The following ABCB4 variants were observed in gnomAD, a reference collection of about 807,000 sequenced individuals.
The protein encoded by ABCB4 is phosphatidylcholine translocator ABCB4.
ABCB4 carries 76 observed loss-of-function variants against 145.7 expected under a neutral mutation model. The ratio of observed to expected loss-of-function variants is 0.52; its 90% CI spans 0.43 to 0.63. The LOEUF (loss-of-function observed/expected upper bound fraction) is 0.63. ABCB4 is among the 30% of genes least tolerant of loss of function. The pLI is 0.00. For missense variants in ABCB4, 1,234 were observed against 1,553.1 expected, an observed-to-expected ratio of 0.79 and a Z score of 3.45; for synonymous variants, 517 against 566.8, an observed-to-expected ratio of 0.91 and a Z score of 1.25.
the ABCB4 span, among the ~76,000 whole-genome samples, chr7:87,393,953 A>G: frequency 6.6e-6 from 1 of 152,198 alleles, no homozygotes; most frequent in Non-Finnish European, 1.5e-5. Flanking sequence ...AAACTAAAGT[A>G]TTCATGAATG....
chr7:87,433,683 T>G lies in ABCB4; in HGVS notation c.1732-2118A>C, dbSNP rs1342895484. Among the ~76,000 whole-genome samples, 179 of 150,108 alleles carry G rather than the reference T, an allele frequency of 1.2e-3. 1 individual carries two copies. The highest frequency in any genetic ancestry group is 4.1e-3 in the African/African-American group (167 of 40,918). Reference sequence around the variant, plus strand: ...CACAAAAAATTGTTGTTGTTTTTTTTTTTTTTTTTTTCAGAGCTCCCAGAC... The same window carrying G: ...CACAAAAAATTGTTGTTGTTTTTTTGTTTTTTTTTTTCAGAGCTCCCAGAC... On this transcript the variant is annotated intron_variant, in intron 14 of 27. Coordinates refer to ENST00000649586, the MANE Select transcript of ABCB4 (RefSeq NM_000443.4).
intron 4 of ABCB4, among the ~76,000 whole-genome samples, chr7:87,455,247 T>G (rs899912303): frequency 6.6e-6 from 1 of 152,198 alleles, no homozygotes; most frequent in Non-Finnish European, 1.5e-5. Flanking sequence ...TTCTAGTATT[T>G]TTTGAAGCAG....
At chr7:87,452,860 T>C (rs535908439) in intron 6 of ABCB4, 84 bp downstream of exon 6, 20 of 1,468,366 alleles carry the variant, frequency 1.4e-5, no homozygotes, top group Non-Finnish European at 1.8e-5. Flanking sequence ...TCTAGTAACA[T>C]TTTTCATTTA....
intron 16 of ABCB4, among the ~76,000 whole-genome samples, chr7:87,426,289 C>T (rs1809798468): frequency 6.6e-6 from 1 of 152,162 alleles, no homozygotes; most frequent in Non-Finnish European, 1.5e-5. Flanking sequence ...TGTGGAGCTA[C>T]TGTTCTAGCC....
the ABCB4 span, chr7:87,375,651 A>G: frequency 6.2e-7 from 1 of 1,612,984 alleles, no homozygotes; most frequent in Non-Finnish European, 8.5e-7. Flanking sequence ...ATATATCCAC[A>G]AGAAGTGCCA....
the ABCB4 span, chr7:87,369,455 A>T: frequency 6.2e-7 from 1 of 1,612,652 alleles, no homozygotes; most frequent in Non-Finnish European, 8.5e-7. Flanking sequence ...TACATGAAGG[A>T]TGTTTGGTCA....
chr7:87,417,838 C>A (rs1266137186), intron 20 of ABCB4, among the ~76,000 whole-genome samples: 1 of 152,176 alleles, frequency 6.6e-6, no homozygotes, highest in East Asian at 1.9e-4. Context: ...GAAACTAACT[C>A]CAATGTACCT....
chr7:87,389,507 A>G, the ABCB4 span, among the ~76,000 whole-genome samples: 3,801 of 152,178 alleles, frequency 0.025, 156 homozygotes, highest in African/African-American at 0.087. Flanking sequence ...ATCATTCTCA[A>G]CAAACTAACA....
At chr7:87,409,698 T>G (rs1808471146) in intron 23 of ABCB4, among the ~76,000 whole-genome samples, 1 of 152,198 alleles carries the variant, frequency 6.6e-6, no homozygotes, top group Admixed American at 6.5e-5. Flanking sequence ...GGCTTATAAC[T>G]GAATCTGATC....
In ABCB4 at chr7:87,447,157, A is replaced by C; in HGVS notation, c.882T>G (p.Ala294=). Residue 294 remains alanine, a synonymous_variant, in exon 9 of 28, where the codon GCT becomes GCG. Transcript: ENST00000649586. ...TACCCATGGAAATGTTTGCTGAAAT[A>C]GCTTTTTTAATTCCAATCTCTTTGG... ...ENAKEIGIKK[A]ISANISMGIA... The C allele has an allele frequency of 1.2e-6, 2 of 1,614,070 alleles. No homozygotes were observed. The highest frequency in any genetic ancestry group is 1.3e-5 in the African/African-American group (1 of 75,066).
At chr7:87,475,545 G>C in intron 1 of ABCB4, 74 bp from the exon 2 acceptor site, 2 of 1,488,472 alleles carry the variant, frequency 1.3e-6, no homozygotes, top group South Asian at 1.2e-5. Context: ...CGGGGCCCGG[G>C]GGCACTGGGT....
At chr7:87,393,494 A>G in the ABCB4 span, among the ~76,000 whole-genome samples, 7 of 152,338 alleles carry the variant, frequency 4.6e-5, no homozygotes, top group Admixed American at 2.0e-4. Flanking sequence ...TTACCAATTC[A>G]GATGCAGTTC....
chr7:87,413,426 G>T (rs529236867), intron 22 of ABCB4, among the ~76,000 whole-genome samples, 191 bp downstream of exon 22: 1 of 152,172 alleles, frequency 6.6e-6, no homozygotes, highest in Non-Finnish European at 1.5e-5. Context: ...TGCATAAGAT[G>T]TAAAAAATAT....
At chr7:87,451,546 A>G in intron 7 of ABCB4, 77 bp downstream of exon 7, 1 of 1,524,872 alleles carries the variant, frequency 6.6e-7, no homozygotes, top group South Asian at 1.1e-5. Context: ...GAACAGGTAC[A>G]AGTACGAGAC....
At chr7:87,391,969 T>TTCTAA in the ABCB4 span, among the ~76,000 whole-genome samples, 2 of 152,230 alleles carry the variant, frequency 1.3e-5, no homozygotes, top group African/African-American at 4.8e-5. Flanking sequence ...ATTTCAGGAC[T>TTCTAA]TCTAATCTAC....
chr7:87,372,017 A>C, the ABCB4 span, among the ~76,000 whole-genome samples: 8 of 151,360 alleles, frequency 5.3e-5, no homozygotes, highest in African/African-American at 9.7e-5. Flanking sequence ...CAAAAAAAAA[A>C]AAACAAAAAA....
At chr7:87,429,903 CT>C (rs747654191) in intron 15 of ABCB4, among the ~76,000 whole-genome samples, 105 of 130,738 alleles carry the variant, frequency 8.0e-4, no homozygotes, top group East Asian at 2.2e-3. Flanking sequence ...TGTGTCAGGT[CT>C]TTTTTTTTTT....
intron 17 of ABCB4, 114 bp downstream of exon 17, chr7:87,423,792 T>C (rs1181408094): frequency 3.0e-6 from 4 of 1,340,976 alleles, no homozygotes; most frequent in Non-Finnish European, 4.3e-6. Context: ...GACTTTGGCT[T>C]AGTTTAATTT....
At position 87,447,015 on chromosome 7, in the gene ABCB4, T is replaced by C. The variant is rs1447590582; in HGVS notation, c.1005+19A>G. On this transcript the variant is annotated intron_variant, in intron 9 of 27. Transcript: ENST00000649586. The stretch of plus-strand genomic sequence containing the variant: ...ATAAGATTTTCATATTCTTCATAAA[T>C]GTTAGGAGAACTACTTACTGTCATT... 6.3e-7 allele frequency: 1 copy of C among 1,592,334 alleles called. No individual in the cohort carries two copies. The highest frequency in any genetic ancestry group is 8.6e-7 in the Non-Finnish European group (1 of 1,160,516).
Sources: gnomAD v4.1 joint callset for allele counts (sites outside exome capture counted in the v4.1 genomes callset) on GRCh38, gnomAD v4.1.1 for gene constraint, MANE v1.5 for transcripts, NCBI Gene and HGNC (gene_info 2026-07-23, HGNC 2026-07-21) for gene names.